The following NPC1 variants were observed in gnomAD, a reference collection of about 807,000 sequenced individuals.
NPC1 encodes Niemann-Pick C1 protein.
In NPC1, 85 loss-of-function variants were observed where a neutral mutation model predicts 140.4. The ratio of observed to expected loss-of-function variants is 0.61; its 90% confidence interval spans 0.51 to 0.72. NPC1 has a LOEUF of 0.72. Ranked by LOEUF, NPC1 falls within the 30% of genes least tolerant of loss-of-function variation. The pLI is 0.00. For synonymous variants in NPC1, 656 were observed against 624.8 expected (o/e 1.05, Z -0.74); for missense variants, 1,504 against 1,623.8 (o/e 0.93, Z 1.27).
intron 14 of NPC1, 85 bp downstream of exon 14, chr18:23,543,370 A>C: frequency 2.6e-6 from 2 of 780,604 alleles, no homozygotes; most frequent in Admixed American, 2.0e-5. Flanking sequence ...AGGAAGCAAC[A>C]CAAAGGGACA....
intron 4 of NPC1, among the ~76,000 whole-genome samples, chr18:23,564,387 G>C (rs879508809): frequency 9.2e-5 from 14 of 152,138 alleles, no homozygotes; most frequent in Non-Finnish European, 1.9e-4. Context: ...CTGTCACCCA[G>C]GCTGGAGTGC....
chr18:23,530,281 C>T, downstream of NPC1: 2 of 1,614,196 alleles, frequency 1.2e-6, no homozygotes, highest in South Asian at 1.1e-5. Context: ...CATCAGCTAT[C>T]TCTGGACATG....
intron 3 of NPC1, among the ~76,000 whole-genome samples, chr18:23,517,229 A>C (rs1335679718): frequency 2.6e-5 from 4 of 151,578 alleles, no homozygotes; most frequent in African/African-American, 9.7e-5. Context: ...GGCTCACTGC[A>C]ACCTCCGCCT....
At position 23,531,883 on chromosome 18, in the gene NPC1, T is replaced by C; in HGVS notation, c.*319A>G. The C allele has an allele frequency of 1.4e-6, 2 of 1,444,354 alleles. No homozygotes were observed. The highest frequency in any genetic ancestry group is 1.8e-6 in the Non-Finnish European group (2 of 1,106,494). The allele number at this position is 1,444,354 out of a possible 1,614,324, so 89.5% of individuals were successfully genotyped here. ...AAGGAGAGACAGACAGTGCATTGAT[T>C]GGCCTTTACAGAGTGTCAGTGAGCG... On this transcript the variant is annotated 3_prime_UTR_variant, in exon 25 of 25. Transcript: ENST00000269228.
downstream of NPC1, among the ~76,000 whole-genome samples, chr18:23,519,851 T>C (rs1381574860): frequency 6.6e-6 from 1 of 150,514 alleles, no homozygotes; most frequent in East Asian, 1.9e-4. Flanking sequence ...GGGCCTCTGA[T>C]ATAAAGAAGC....
At chr18:23,524,357 G>T, downstream of NPC1, 1 of 1,551,404 alleles carries the variant, frequency 6.4e-7, no homozygotes, top group Non-Finnish European at 8.9e-7. Flanking sequence ...GGGCAGGGGC[G>T]AGTGCTAGCG....
intron 12 of NPC1, 131 bp downstream of exon 12, chr18:23,544,829 T>C: frequency 5.2e-6 from 4 of 762,584 alleles, no homozygotes; most frequent in Non-Finnish European, 8.9e-6. Context: ...AAACGTTACA[T>C]ACAATTAAAA....
chr18:23,512,416 ATTT>A (rs2057886555), intron 3 of NPC1, among the ~76,000 whole-genome samples: 1 of 151,806 alleles, frequency 6.6e-6, no homozygotes, highest in Non-Finnish European at 1.5e-5. Context: ...TCCTCTTAAA[ATTT>A]TTTTATTTTG....
At position 23,543,470 on chromosome 18, in the gene NPC1, C is replaced by CA; in HGVS notation, c.2229dup (p.Val744CysfsTer28). 6.2e-7 allele frequency: 1 copy of CA among 1,601,734 alleles called. No homozygotes were observed. The highest frequency in any genetic ancestry group is 8.5e-7 in the Non-Finnish European group (1 of 1,170,092). The stretch of plus-strand genomic sequence containing the variant: ...GCATAATTACCTAAGAAAAATGCTA[C>CA]AGTCTCAGAAAAGGATGACAGGAAC... On this transcript the variant is annotated frameshift_variant, in exon 14 of 25. Coordinates refer to ENST00000269228, the MANE Select transcript of NPC1 (RefSeq NM_000271.5). LOFTEE classifies it high-confidence loss of function.
rs925604960 is a variant in NPC1 at position 23,586,419 on chromosome 18, G to C, written c.-76C>G. 1.2e-5 allele frequency: 18 copies of C among 1,525,450 alleles called. No homozygotes were observed. The highest frequency in any genetic ancestry group is 1.4e-5 in the Non-Finnish European group (16 of 1,142,762). The allele number at this position is 1,525,450 out of a possible 1,614,324, so 94.5% of individuals were successfully genotyped here. On this transcript the variant is annotated 5_prime_UTR_variant, in exon 1 of 25. Transcript: ENST00000269228. ...TCCCCGGAGGCGGCTCTACTTCCCCGGGCTGTTTCAGCACCCCGCGCAGGA... is the reference window on the plus strand; with the variant it reads ...TCCCCGGAGGCGGCTCTACTTCCCCCGGCTGTTTCAGCACCCCGCGCAGGA...
At chr18:23,553,079 A>G (rs1249268390) in intron 9 of NPC1, among the ~76,000 whole-genome samples, 2 of 152,208 alleles carry the variant, frequency 1.3e-5, no homozygotes, top group African/African-American at 4.8e-5. Flanking sequence ...GGTTATGAGG[A>G]CGCGCACAAG....
At chr18:23,565,306 T>C (rs187400077) in intron 4 of NPC1, among the ~76,000 whole-genome samples, 1 of 152,368 alleles carries the variant, frequency 6.6e-6, no homozygotes, top group East Asian at 1.9e-4. Flanking sequence ...TGTCTTTCCA[T>C]TTATTTAGAT....
chr18:23,549,742 C>CTTTTTTTTTTTTTTTTTTTTTT (rs1000073339), intron 10 of NPC1, among the ~76,000 whole-genome samples: 9 of 138,002 alleles, frequency 6.5e-5, no homozygotes, highest in African/African-American at 1.9e-4. Flanking sequence ...TTTTTCACAA[C>CTTTTTTTTTTTTTTTTTTTTTT]TTTTTTTTTT....
In NPC1 at chr18:23,536,730, C is replaced by G; in HGVS notation, c.3188G>C (p.Ser1063Thr). 1.2e-6 allele frequency: 2 copies of G among 1,614,212 alleles called. No homozygotes were observed. Among genetic ancestry groups the G allele is most frequent in the Non-Finnish European group, 1.7e-6 (2 of 1,180,034 alleles). Residue 1063 changes from serine (S) to threonine (T), a missense_variant, in exon 21 of 25, where the codon AGT becomes ACT. Coordinates refer to ENST00000269228, the MANE Select transcript of NPC1 (RefSeq NM_000271.5). ...DALKKARLIA[S>T]NVTETMGING... ...AATGCCCATGGTTTCGGTGACATTA[C>G]TGGCTATAAGTCGGGCTTTCTTCAG...
chr18:23,580,102 A>C (rs1157476276), intron 1 of NPC1, among the ~76,000 whole-genome samples: 2 of 152,220 alleles, frequency 1.3e-5, no homozygotes, highest in East Asian at 3.8e-4. Context: ...CAGTAAAATA[A>C]ATAAATGAAA....
chr18:23,541,499 G>A, intron 14 of NPC1, 66 bp from the exon 15 acceptor site: 1 of 1,606,944 alleles, frequency 6.2e-7, no homozygotes, highest in South Asian at 1.1e-5. Flanking sequence ...CAGGTCTTAT[G>A]TTCATGTGCA....
At chr18:23,571,454 T>C (rs1356654480) in intron 3 of NPC1, among the ~76,000 whole-genome samples, 2 of 151,942 alleles carry the variant, frequency 1.3e-5, no homozygotes, top group Admixed American at 6.6e-5. Flanking sequence ...GTCAGGAGTT[T>C]GAGACCAGCC....
At chr18:23,583,732 T>C (rs1390812974) in intron 1 of NPC1, among the ~76,000 whole-genome samples, 2 of 152,174 alleles carry the variant, frequency 1.3e-5, no homozygotes, top group African/African-American at 2.4e-5. Flanking sequence ...CTGGGTAATA[T>C]AACAAACACT....
chr18:23,548,174 G>C (rs2058815421), intron 10 of NPC1, 66 bp from the exon 11 acceptor site: 2 of 914,564 alleles, frequency 2.2e-6, no homozygotes, highest in Non-Finnish European at 3.6e-6. Context: ...ACACATACCA[G>C]GGGAAAAATC....
Sources: allele counts gnomAD v4.1 joint callset (sites outside exome capture counted in the v4.1 genomes callset), GRCh38; gene constraint gnomAD v4.1.1; transcripts MANE v1.5; gene names NCBI Gene and HGNC (gene_info 2026-07-23, HGNC 2026-07-21).